The following TNFAIP6 variants were observed in gnomAD, a reference collection of about 807,000 sequenced individuals.
The protein encoded by TNFAIP6 is tumor necrosis factor-inducible gene 6 protein.
TNFAIP6 carries 36 observed loss-of-function variants against 33.7 expected under a neutral mutation model. The observed-to-expected ratio is 1.07, with a 90% confidence interval of 0.82 to 1.41. The LOEUF (loss-of-function observed/expected upper bound fraction) is 1.41, where lower values mean the gene tolerates loss of function less well. Among genes scored for constraint, TNFAIP6 ranks in the 40% most tolerant of loss-of-function variants. The probability of loss-of-function intolerance (pLI) is 0.00; values close to 1 mark genes in which losing one functional copy is unlikely to be tolerated. For synonymous variants in TNFAIP6, 113 were observed against 112.8 expected (o/e 1.00, Z -0.01); for missense variants, 273 against 331.9 (o/e 0.82, Z 1.38).
intron 4 of TNFAIP6, among the ~76,000 whole-genome samples, chr2:151,372,832 A>G (rs1684840092): frequency 6.6e-6 from 1 of 152,178 alleles, no homozygotes; most frequent in Admixed American, 6.5e-5. Flanking sequence ...AGGCAGGAGA[A>G]TCACTTGAAC....
intron 1 of TNFAIP6, among the ~76,000 whole-genome samples, chr2:151,361,063 G>T (rs1464508671): frequency 1.3e-5 from 2 of 151,700 alleles, no homozygotes; most frequent in African/African-American, 2.4e-5. Context: ...TAATTTTTTT[G>T]TTTTGTTTTG....
At chr2:151,365,806 T>C (rs1179018026) in intron 2 of TNFAIP6, among the ~76,000 whole-genome samples, 1 of 152,206 alleles carries the variant, frequency 6.6e-6, no homozygotes, top group African/African-American at 2.4e-5. Context: ...ATTAGTTTCA[T>C]ACCCACAATA....
At chr2:151,371,622 G>A (rs13390792) in intron 4 of TNFAIP6, among the ~76,000 whole-genome samples, 4,104 of 149,186 alleles carry the variant, frequency 0.028, 159 homozygotes, top group African/African-American at 0.086. Context: ...TTGAGACGGA[G>A]TCTCACTCTG....
chr2:151,362,639 T>A (rs555223470), intron 1 of TNFAIP6, among the ~76,000 whole-genome samples: 9 of 151,782 alleles, frequency 5.9e-5, no homozygotes, highest in African/African-American at 1.9e-4. Flanking sequence ...TACAGGTGCC[T>A]GCCACCACGC....
intron 1 of TNFAIP6, among the ~76,000 whole-genome samples, chr2:151,362,480 CTTTTTTTT>C (rs34640251): frequency 1.9e-4 from 11 of 56,938 alleles, no homozygotes; most frequent in Non-Finnish European, 2.9e-4. Flanking sequence ...TTACTAAATT[CTTTTTTTT>C]TTTTTTTTTT....
At chr2:151,376,636 T>C (rs1209039539) in intron 5 of TNFAIP6, among the ~76,000 whole-genome samples, 2 of 152,110 alleles carry the variant, frequency 1.3e-5, no homozygotes, top group Non-Finnish European at 2.9e-5. Context: ...CAGAGTATGA[T>C]ATTTAGATCA....
At chr2:151,370,933 T>C (rs1223404084) in intron 4 of TNFAIP6, among the ~76,000 whole-genome samples, 1 of 151,926 alleles carries the variant, frequency 6.6e-6, no homozygotes, top group Non-Finnish European at 1.5e-5. Flanking sequence ...TAGCCGGGCG[T>C]GGTGGCAGGC....
At position 151,377,464 on chromosome 2, in the gene TNFAIP6, C is replaced by A. The variant is rs541010906; in HGVS notation, c.665-1900C>A. On this transcript the variant is annotated intron_variant, in intron 5 of 5. Transcript: ENST00000243347. ...GATTACAGGCGTGAGCCACCGTGCC[C>A]GGCCATTTTTGTGTTTGTTTGTTTG... 2.3e-5 allele frequency among the ~76,000 whole-genome samples: 3 copies of A among 132,370 alleles called. No individual in the cohort carries two copies. The East Asian group carries it at 7.1e-4, about 32-fold the overall frequency. 86.8% of individuals were successfully genotyped at this position (132,370 alleles called of 152,430 possible).
rs1391815549 is a variant in TNFAIP6, at chr2:151,370,308, C to T, written c.623+60C>T. 9 of 1,240,070 alleles carry T rather than the reference C, an allele frequency of 7.3e-6. No individual in the cohort carries two copies. The East Asian group carries it at 1.2e-4, about 16-fold the overall frequency. 76.8% of individuals were successfully genotyped at this position (1,240,070 alleles called of 1,614,324 possible). A position where few individuals can be genotyped will look rare whatever the true frequency, so the allele number is the denominator to read the frequency against. On this transcript the variant is annotated intron_variant, in intron 4 of 5. Transcript: ENST00000243347. ...ACGTCCAGTATTTTGTTTGATGCTTCTTTAATTTTCCCTCAACTGTCCCTA... is the reference window on the plus strand; with the variant it reads ...ACGTCCAGTATTTTGTTTGATGCTTTTTTAATTTTCCCTCAACTGTCCCTA...
rs1684982138 is a variant in TNFAIP6, at chr2:151,379,766, A to T, written c.*233A>T. On this transcript the variant is annotated 3_prime_UTR_variant, in exon 6 of 6. Coordinates refer to ENST00000243347, the MANE Select transcript of TNFAIP6 (RefSeq NM_007115.4). Reference sequence around the variant, plus strand: ...TAACATTTTCATATTTTTTTCTTTCAGTCATTTTTCTATTTGTGGTATATG... The same window carrying T: ...TAACATTTTCATATTTTTTTCTTTCTGTCATTTTTCTATTTGTGGTATATG... The T allele has an allele frequency of 3.4e-6, 1 of 295,992 alleles. No individual in the cohort carries two copies. The allele number at this position is 295,992 out of a possible 1,614,324, so 18.3% of individuals were successfully genotyped here.
intron 5 of TNFAIP6, among the ~76,000 whole-genome samples, chr2:151,376,398 G>C (rs1356988732): frequency 7.2e-6 from 1 of 139,252 alleles, no homozygotes; most frequent in Non-Finnish European, 1.5e-5. Context: ...CAGCCTGGGA[G>C]ACAGAGTGAT....
intron 1 of TNFAIP6, among the ~76,000 whole-genome samples, chr2:151,360,593 C>T (rs1189958721): frequency 6.6e-6 from 1 of 152,148 alleles, no homozygotes; most frequent in Non-Finnish European, 1.5e-5. Context: ...AAAGGTCCAT[C>T]TTAATAGCTC....
intron 1 of TNFAIP6, among the ~76,000 whole-genome samples, chr2:151,363,044 G>A (rs1257116553): frequency 3.3e-5 from 5 of 152,138 alleles, no homozygotes; most frequent in African/African-American, 1.2e-4. Context: ...GGCCGGACAC[G>A]GAGTCTCACG....
intron 5 of TNFAIP6, among the ~76,000 whole-genome samples, chr2:151,375,247 T>C (rs1684885038): frequency 7.3e-6 from 1 of 136,242 alleles, no homozygotes; most frequent in African/African-American, 2.9e-5. Context: ...TTCAAGAAAC[T>C]GGGAAAAAAA....
intron 1 of TNFAIP6, 83 bp downstream of exon 1, chr2:151,357,843 T>C: frequency 1.1e-6 from 1 of 914,900 alleles, no homozygotes; most frequent in Middle Eastern, 2.1e-4. Context: ...CAGTAACTTT[T>C]TCTATTCTGT....
chr2:151,359,307 G>A (rs1431642957), intron 1 of TNFAIP6, among the ~76,000 whole-genome samples: 3 of 152,014 alleles, frequency 2.0e-5, no homozygotes, highest in Non-Finnish European at 4.4e-5. Context: ...TCAAGAACAG[G>A]ACACTTTAAA....
At chr2:151,373,767 A>G (rs865948207) in intron 5 of TNFAIP6, 178 bp downstream of exon 5, 2 of 350,912 alleles carry the variant, frequency 5.7e-6, no homozygotes, top group African/African-American at 2.1e-5. Flanking sequence ...AAAATTAAAG[A>G]TTTATGCCAA....
intron 1 of TNFAIP6, 54 bp downstream of exon 1, chr2:151,357,814 T>C (rs751925087): frequency 3.4e-6 from 4 of 1,161,680 alleles, no homozygotes; most frequent in African/African-American, 3.0e-5. Context: ...CTTTAAATCA[T>C]GGAGAAGGAA....
chr2:151,358,725 T>G (rs1467629128), intron 1 of TNFAIP6, among the ~76,000 whole-genome samples: 1 of 152,214 alleles, frequency 6.6e-6, no homozygotes, highest in Non-Finnish European at 1.5e-5. Context: ...TGGTAATAAC[T>G]GCAACCATGC....
Sources: gnomAD v4.1 joint callset for allele counts (sites outside exome capture counted in the v4.1 genomes callset) on GRCh38, gnomAD v4.1.1 for gene constraint, MANE v1.5 for transcripts, NCBI Gene and HGNC (gene_info 2026-07-23, HGNC 2026-07-21) for gene names.